Variants in NCAM2 observed in about 807,000 individuals in gnomAD.
The protein encoded by NCAM2 is neural cell adhesion molecule 2.
A neutral mutation model predicts 98.1 loss-of-function variants in NCAM2; 30 were observed. That is an observed-to-expected ratio of 0.31 (90% CI 0.23 to 0.41). The LOEUF is 0.41. Ranked by LOEUF, NCAM2 falls within the 10% of genes least tolerant of loss-of-function variation. The pLI is 1.00. For synonymous variants in NCAM2, 368 were observed against 342.4 expected, an observed-to-expected ratio of 1.07 and a Z score of -0.83; for missense variants, 867 against 1,005.8, an observed-to-expected ratio of 0.86 and a Z score of 1.87.
At chr21:21,226,444 T>A (rs1268675724) in intron 1 of NCAM2, among the ~76,000 whole-genome samples, 2 of 152,078 alleles carry the variant, frequency 1.3e-5, no homozygotes. Flanking sequence ...CAACTAAGAA[T>A]AACACTTAGA....
At chr21:21,080,150 G>A (rs897048723) in intron 1 of NCAM2, among the ~76,000 whole-genome samples, 5 of 152,074 alleles carry the variant, frequency 3.3e-5, no homozygotes, top group Admixed American at 6.5e-5. Flanking sequence ...GTTGATTGCC[G>A]TAATAGTAAT....
At chr21:21,215,973 C>A (rs1475666959) in intron 1 of NCAM2, among the ~76,000 whole-genome samples, 3 of 152,016 alleles carry the variant, frequency 2.0e-5, no homozygotes, top group Non-Finnish European at 4.4e-5. Context: ...ATAAAATATT[C>A]TTTTATAACT....
intron 1 of NCAM2, among the ~76,000 whole-genome samples, chr21:21,017,708 C>G (rs886515897): frequency 6.6e-6 from 1 of 152,000 alleles, no homozygotes. Flanking sequence ...ACTATGCACG[C>G]GCTCCATAAT....
intron 11 of NCAM2, among the ~76,000 whole-genome samples, chr21:21,425,287 T>C (rs1271252240): frequency 1.3e-5 from 2 of 152,066 alleles, no homozygotes; most frequent in Non-Finnish European, 2.9e-5. Flanking sequence ...CAACTGCCAA[T>C]TTCCAAATTT....
chr21:21,455,482 C>T (rs1982002909), intron 12 of NCAM2, among the ~76,000 whole-genome samples: 1 of 151,744 alleles, frequency 6.6e-6, no homozygotes, highest in African/African-American at 2.4e-5. Context: ...ATGACATGCT[C>T]ATAAGAAAAT....
chr21:21,332,620 C>A (rs1025539434), intron 6 of NCAM2, among the ~76,000 whole-genome samples: 1 of 152,146 alleles, frequency 6.6e-6, no homozygotes, highest in Non-Finnish European at 1.5e-5. Flanking sequence ...GAACCCTCTG[C>A]AGATATCTAT....
At chr21:21,365,331 G>T (rs537492937) in intron 8 of NCAM2, among the ~76,000 whole-genome samples, 4 of 151,760 alleles carry the variant, frequency 2.6e-5, no homozygotes, top group Admixed American at 6.6e-5. Context: ...TGCTTTGGTT[G>T]TGTGGCCAAA....
At chr21:21,220,059 T>G (rs2070077820) in intron 1 of NCAM2, among the ~76,000 whole-genome samples, 1 of 99,726 alleles carries the variant, frequency 1.0e-5, no homozygotes, top group Non-Finnish European at 2.2e-5. Flanking sequence ...AGTCAAAAAG[T>G]TAAAAAAAAA....
intron 5 of NCAM2, among the ~76,000 whole-genome samples, chr21:21,321,889 C>T (rs1601968648): frequency 6.6e-6 from 1 of 152,042 alleles, no homozygotes; most frequent in Admixed American, 6.6e-5. Context: ...GTTCAACCAT[C>T]GTGGAAAGTA....
intron 4 of NCAM2, among the ~76,000 whole-genome samples, chr21:21,291,291 TTGAA>T (rs767756152): frequency 2.0e-5 from 3 of 151,874 alleles, no homozygotes; most frequent in Non-Finnish European, 4.4e-5. Context: ...AAAGCATTCT[TTGAA>T]TGATAAGGAG....
chr21:21,542,726 G>C lies in NCAM2; in HGVS notation c.*4769G>C, dbSNP rs76549886. 5,323 of 151,912 alleles carry C rather than the reference G, an allele frequency of 0.035. 121 individuals carry two copies. Among genetic ancestry groups the C allele is most frequent in the Middle Eastern group, 0.061 (18 of 294 alleles). The allele number at this position is 151,912 out of a possible 1,614,324, so 9.4% of individuals were successfully genotyped here. ...GAATAGCTAAGAAGGACCTGACTTT[G>C]AGAAGTGCTAGACCAGGGACTAGGA... On this transcript the variant is annotated 3_prime_UTR_variant, in exon 18 of 18. Coordinates refer to ENST00000400546, the MANE Select transcript of NCAM2 (RefSeq NM_004540.5).
At chr21:21,176,728 A>C (rs2068302324) in intron 1 of NCAM2, among the ~76,000 whole-genome samples, 1 of 152,014 alleles carries the variant, frequency 6.6e-6, no homozygotes, top group Non-Finnish European at 1.5e-5. Context: ...TTCCTAAATA[A>C]AAATATTATA....
At position 21,379,990 on chromosome 21, in the gene NCAM2, G is replaced by A. The variant is rs377766302; in HGVS notation, c.1195+5977G>A. Among the ~76,000 whole-genome samples, 10 of 152,122 alleles carry A rather than the reference G, an allele frequency of 6.6e-5. No individual in the cohort carries two copies. The East Asian group carries it at 9.7e-4, about 15-fold the overall frequency. ...CATGGAAGAAAGATGTAGGCTGGGC[G>A]GCTAGGCCAGTCTAGTCTTTTCACG... On this transcript the variant is annotated intron_variant, in intron 9 of 17. Transcript: ENST00000400546.
chr21:21,095,191 T>C (rs940634662), intron 1 of NCAM2, among the ~76,000 whole-genome samples: 1 of 151,716 alleles, frequency 6.6e-6, no homozygotes, highest in African/African-American at 2.4e-5. Flanking sequence ...ATCAGCAAAT[T>C]GATTCCTTCA....
At chr21:21,055,460 A>T (rs949575859) in intron 1 of NCAM2, among the ~76,000 whole-genome samples, 1 of 152,120 alleles carries the variant, frequency 6.6e-6, no homozygotes, top group Non-Finnish European at 1.5e-5. Context: ...GACAGTTTTA[A>T]TGTATTAATA....
At chr21:21,180,309 A>G (rs1198226418) in intron 1 of NCAM2, among the ~76,000 whole-genome samples, 1 of 152,208 alleles carries the variant, frequency 6.6e-6, no homozygotes, top group African/African-American at 2.4e-5. Context: ...AATTCTATTT[A>G]GATATTTTAC....
chr21:21,034,052 AG>A (rs367633725), intron 1 of NCAM2, among the ~76,000 whole-genome samples: 270 of 142,198 alleles, frequency 1.9e-3, no homozygotes, highest in African/African-American at 4.5e-3. Context: ...AGATAGGCAA[AG>A]GGGGGGGGGA....
At chr21:21,510,466 C>G (rs1988295426) in intron 16 of NCAM2, among the ~76,000 whole-genome samples, 1 of 152,052 alleles carries the variant, frequency 6.6e-6, no homozygotes, top group South Asian at 2.1e-4. Flanking sequence ...TATCTGACAT[C>G]TTCAAAAATG....
intron 1 of NCAM2, among the ~76,000 whole-genome samples, chr21:21,204,537 A>T (rs1252257781): frequency 6.6e-6 from 1 of 152,146 alleles, no homozygotes; most frequent in African/African-American, 2.4e-5. Context: ...AAGGCTGAAA[A>T]GAAAGCCATA....
Sources: allele counts gnomAD v4.1 joint callset (sites outside exome capture counted in the v4.1 genomes callset), GRCh38; gene constraint gnomAD v4.1.1; transcripts MANE v1.5; gene names NCBI Gene and HGNC (gene_info 2026-07-23, HGNC 2026-07-21).